ANKRD13A: variants seen among roughly 807,000 people sequenced by gnomAD.
The protein encoded by ANKRD13A is ankyrin repeat domain-containing protein 13A.
In ANKRD13A, 48 loss-of-function variants were observed where a neutral mutation model predicts 81.3. That is an observed-to-expected ratio of 0.59 (90% CI 0.47 to 0.75). The LOEUF (loss-of-function observed/expected upper bound fraction) is 0.75. Among genes scored for constraint, ANKRD13A ranks in the 30% least tolerant of loss-of-function variants. The pLI, the probability that ANKRD13A is intolerant of heterozygous loss-of-function variation, is 0.00. For missense variants in ANKRD13A, 612 were observed against 734.0 expected (o/e 0.83, Z 1.92); for synonymous variants, 230 against 270.1 (o/e 0.85, Z 1.45).
Position 110,028,650 on chromosome 12 carries a change from A to AGT in ANKRD13A, c.1076+9_1076+10insTG. 1.9e-6 allele frequency: 3 copies of AGT among 1,614,088 alleles called. No homozygotes were observed. Among genetic ancestry groups the AGT allele is most frequent in the Non-Finnish European group, 2.5e-6 (3 of 1,179,980 alleles). ...GACGATTAGAACACAGAAGTAAGAG[A>AGT]GGTTCAGCTGCCATTTTCAACCTAT... On this transcript the variant is annotated intron_variant, in intron 10 of 14. Transcript: ENST00000261739.
intron 3 of ANKRD13A, among the ~76,000 whole-genome samples, chr12:110,014,080 A>AT (rs779608082): frequency 2.0e-4 from 31 of 152,118 alleles, no homozygotes; most frequent in Non-Finnish European, 4.0e-4. Context: ...ATAGAGAAAA[A>AT]TTAATAGCTC....
At chr12:110,003,466 C>T (rs1264506949) in intron 1 of ANKRD13A, among the ~76,000 whole-genome samples, 1 of 152,178 alleles carries the variant, frequency 6.6e-6, no homozygotes, top group Non-Finnish European at 1.5e-5. Context: ...AAACTGGCCT[C>T]AAGATTCCTG....
rs1274828271 is a variant in ANKRD13A, at chr12:110,001,667, A to C, written c.96+1883A>C. 2.0e-5 allele frequency among the ~76,000 whole-genome samples: 3 copies of C among 151,576 alleles called. No individual in the cohort carries two copies. In the South Asian group the frequency reaches 6.3e-4, roughly 32 times the overall value. On this transcript the variant is annotated intron_variant, in intron 1 of 14. Transcript: ENST00000261739. Reference sequence around the variant, plus strand: ...ACCCCTGGCCTCAAGCAATCCGCCCACCTCTACCTCCCAAAGTGCTGGGAT... The same window carrying C: ...ACCCCTGGCCTCAAGCAATCCGCCCCCCTCTACCTCCCAAAGTGCTGGGAT...
In ANKRD13A at chr12:110,018,601, A is replaced by G. The variant is rs1426018461; in HGVS notation, c.544+113A>G. ...TTTTCTGTCTGATCCTTCCTAGGGC[A>G]TGTTTTTTTGGTTATTCTTATTAAT... On this transcript the variant is annotated intron_variant, in intron 5 of 14. Coordinates refer to ENST00000261739, the MANE Select transcript of ANKRD13A (RefSeq NM_033121.2). The surrounding 1 kb of genome is among the most constrained non-coding windows in gnomAD (Gnocchi z 4.4). 7.7e-7 allele frequency: 1 copy of G among 1,292,848 alleles called. No individual in the cohort carries two copies. Among genetic ancestry groups the G allele is most frequent in the East Asian group, 2.5e-5 (1 of 40,434 alleles). 80.1% of individuals were successfully genotyped at this position (1,292,848 alleles called of 1,614,324 possible).
Position 110,023,990 on chromosome 12 carries a change from T to C in ANKRD13A, c.735-56T>C, listed in dbSNP as rs1399737213. On this transcript the variant is annotated intron_variant, in intron 6 of 14. Coordinates refer to ENST00000261739, the MANE Select transcript of ANKRD13A (RefSeq NM_033121.2). ...AAAAAAACTATAAAGGCTACAGATATAAATCTGAATGGCATATTGTACATG... is the reference window on the plus strand; with the variant it reads ...AAAAAAACTATAAAGGCTACAGATACAAATCTGAATGGCATATTGTACATG... 7 of 1,529,208 alleles carry C rather than the reference T, an allele frequency of 4.6e-6. 1 individual carries two copies. In the South Asian group the frequency reaches 7.0e-5, roughly 15 times the overall value. The allele number at this position is 1,529,208 out of a possible 1,614,324, so 94.7% of individuals were successfully genotyped here. A position where few individuals can be genotyped will look rare whatever the true frequency, so the allele number is the denominator to read the frequency against.
chr12:110,028,628 G>T lies in ANKRD13A; in HGVS notation c.1062G>T (p.Thr354=). The change falls in exon 10 of 15, where the codon ACG becomes ACT. Residue 354 remains threonine (T), a synonymous_variant. Coordinates refer to ENST00000261739, the MANE Select transcript of ANKRD13A (RefSeq NM_033121.2). The part of the protein sequence containing the change: ...DRDIGRPKEL[T]IRTQKFKAML... ...ACATTGGAAGGCCGAAAGAGCTGACGATTAGAACACAGAAGTAAGAGAGGT... is the reference window on the plus strand; with the variant it reads ...ACATTGGAAGGCCGAAAGAGCTGACTATTAGAACACAGAAGTAAGAGAGGT... 1 of 1,614,170 alleles carries T rather than the reference G, an allele frequency of 6.2e-7. No homozygotes were observed. Among genetic ancestry groups the T allele is most frequent in the East Asian group, 2.2e-5 (1 of 44,884 alleles).
chr12:110,017,721 T>A (rs547437934), intron 4 of ANKRD13A, among the ~76,000 whole-genome samples: 1 of 152,190 alleles, frequency 6.6e-6, no homozygotes, highest in African/African-American at 2.4e-5. Context: ...ATCACCTAGG[T>A]CAGGAGTTGA....
intron 1 of ANKRD13A, among the ~76,000 whole-genome samples, chr12:110,009,837 G>T (rs898237477): frequency 6.6e-6 from 1 of 152,150 alleles, no homozygotes; most frequent in Non-Finnish European, 1.5e-5. Flanking sequence ...CTGTTGCCCA[G>T]GAGTTTGAGT....
chr12:110,029,377 T>C, intron 10 of ANKRD13A, 101 bp from the exon 11 acceptor site: 2 of 1,250,516 alleles, frequency 1.6e-6, no homozygotes, highest in Non-Finnish European at 2.3e-6. Context: ...CTGGGCAGAG[T>C]GTGGAGTAAA....
At chr12:110,012,235 C>T (rs1402218606) in intron 2 of ANKRD13A, 98 bp downstream of exon 2, 3 of 1,381,562 alleles carry the variant, frequency 2.2e-6, no homozygotes, top group Non-Finnish European at 2.9e-6. Context: ...TGCGGTGGTG[C>T]ATGTCTGTAG....
In ANKRD13A at chr12:110,018,787, G is replaced by T. The variant is rs1193630513; in HGVS notation, c.544+299G>T. The stretch of plus-strand genomic sequence containing the variant: ...TCTCTGTATAACCCTCCATAATCAG[G>T]CATGAGAAATGGCATTGCTCACCCA... On this transcript the variant is annotated intron_variant, in intron 5 of 14. Transcript: ENST00000261739. The surrounding 1 kb of genome is among the most constrained non-coding windows in gnomAD (Gnocchi z 4.4). Among the ~76,000 whole-genome samples the T allele has an allele frequency of 6.6e-6, 1 of 152,040 alleles. No homozygotes were observed. Among genetic ancestry groups the T allele is most frequent in the African/African-American group, 2.4e-5 (1 of 41,360 alleles).
chr12:110,037,637 G>A lies in ANKRD13A; in HGVS notation c.*83G>A. Reference sequence around the variant, plus strand: ...GTGTCAACCAGGGCCCTAGGGCTAAGGGCCTGCACCTTGCGTGCATGCAGC... The same window carrying A: ...GTGTCAACCAGGGCCCTAGGGCTAAAGGCCTGCACCTTGCGTGCATGCAGC... On this transcript the variant is annotated 3_prime_UTR_variant, in exon 15 of 15. Coordinates refer to ENST00000261739, the MANE Select transcript of ANKRD13A (RefSeq NM_033121.2). 2 of 1,419,090 alleles carry A rather than the reference G, an allele frequency of 1.4e-6. No homozygotes were observed. The highest frequency in any genetic ancestry group is 2.3e-5 in the Admixed American group (1 of 43,922). The allele number at this position is 1,419,090 out of a possible 1,614,324, so 87.9% of individuals were successfully genotyped here.
At position 110,013,158 on chromosome 12, in the gene ANKRD13A, A is replaced by C. The variant is rs1858111711; in HGVS notation, c.263A>C (p.Glu88Ala). 6.2e-7 allele frequency: 1 copy of C among 1,614,068 alleles called. No individual in the cohort carries two copies. The highest frequency in any genetic ancestry group is 1.3e-5 in the African/African-American group (1 of 74,926). Residue 88 changes from glutamate (E) to alanine (A), a missense_variant, in exon 3 of 15, where the codon GAG becomes GCG. Coordinates refer to ENST00000261739, the MANE Select transcript of ANKRD13A (RefSeq NM_033121.2). ...GAGGCTGTGAGCACTGGCGATCCTG[A>C]GATGGTGTACACAGTTCTCCAACAT... ...LHEAVSTGDP[E>A]MVYTVLQHRD...
chr12:110,008,472 G>T (rs1010150021), intron 1 of ANKRD13A, among the ~76,000 whole-genome samples: 1 of 152,050 alleles, frequency 6.6e-6, no homozygotes, highest in Non-Finnish European at 1.5e-5. Flanking sequence ...TTCTTGTGAC[G>T]CATTTGTCAT....
intron 1 of ANKRD13A, among the ~76,000 whole-genome samples, chr12:110,003,210 G>A (rs1202932101): frequency 6.6e-6 from 1 of 152,152 alleles, no homozygotes; most frequent in Non-Finnish European, 1.5e-5. Context: ...TGAGGTGGAG[G>A]GTGGCAAATG....
chr12:110,004,254 G>A (rs756099541), intron 1 of ANKRD13A, among the ~76,000 whole-genome samples: 3 of 152,172 alleles, frequency 2.0e-5, no homozygotes, highest in Admixed American at 2.0e-4. Flanking sequence ...AAGGAGGATG[G>A]GTATTTTTAT....
chr12:110,034,940 T>G (rs1376126851), intron 13 of ANKRD13A, among the ~76,000 whole-genome samples: 3 of 152,236 alleles, frequency 2.0e-5, no homozygotes, highest in Non-Finnish European at 4.4e-5. Flanking sequence ...AGAACAGTGC[T>G]CACACTCCAG....
intron 2 of ANKRD13A, among the ~76,000 whole-genome samples, chr12:110,012,800 C>T (rs1890595304): frequency 6.6e-6 from 1 of 152,184 alleles, no homozygotes. Context: ...GCCCTGCCTG[C>T]CAGGTCTACA....
At chr12:110,016,297 C>T in intron 3 of ANKRD13A, 91 bp from the exon 4 acceptor site, 2 of 903,936 alleles carry the variant, frequency 2.2e-6, no homozygotes, top group Non-Finnish European at 3.2e-6. Context: ...TTTTTTTTAA[C>T]CCAGGGTTTT....
Sources: allele counts gnomAD v4.1 joint callset (sites outside exome capture counted in the v4.1 genomes callset), GRCh38; gene constraint gnomAD v4.1.1; non-coding constraint Gnocchi (gnomAD v3.1); transcripts MANE v1.5; gene names NCBI Gene and HGNC (gene_info 2026-07-23, HGNC 2026-07-21).